VWA3B: variants seen among roughly 807,000 people sequenced by gnomAD.
VWA3B encodes the protein von Willebrand factor A domain-containing protein 3B.
In VWA3B, 138 loss-of-function variants were observed where a neutral mutation model predicts 158.3. The observed-to-expected ratio is 0.87, with a 90% CI of 0.76 to 1.00. The LOEUF is 1.00. VWA3B is among the 50% of genes least tolerant of loss of function. The pLI, the probability that VWA3B is intolerant of heterozygous loss-of-function variation, is 0.00. For synonymous variants in VWA3B, 596 were observed against 587.3 expected (o/e 1.01, Z -0.21); for missense variants, 1,555 against 1,565.1 (o/e 0.99, Z 0.11).
chr2:98,150,255 G>A (rs1677514594), intron 7 of VWA3B, among the ~76,000 whole-genome samples: 1 of 152,116 alleles, frequency 6.6e-6, no homozygotes, highest in Non-Finnish European at 1.5e-5. Context: ...TCCTTGGAGG[G>A]ATTTCTCCCG....
chr2:98,201,424 A>T (rs1011712649), intron 12 of VWA3B, among the ~76,000 whole-genome samples: 1 of 152,326 alleles, frequency 6.6e-6, no homozygotes, highest in East Asian at 1.9e-4. Context: ...GATGTCATGT[A>T]TGAATAGAGA....
intron 13 of VWA3B, chr2:98,216,985 C>A (rs2105593812): frequency 1.6e-6 from 2 of 1,245,394 alleles, no homozygotes; most frequent in Non-Finnish European, 2.1e-6. Context: ...TGTAAGCACC[C>A]GCCCCGCACC....
chr2:98,313,652 G>A (rs939712823), downstream of VWA3B, among the ~76,000 whole-genome samples: 3 of 152,192 alleles, frequency 2.0e-5, no homozygotes, highest in Non-Finnish European at 2.9e-5. Flanking sequence ...CAATTTGAGT[G>A]CTGACAGCCT....
At chr2:98,229,387 G>A (rs1385178695) in intron 15 of VWA3B, among the ~76,000 whole-genome samples, 2 of 152,222 alleles carry the variant, frequency 1.3e-5, no homozygotes, top group Admixed American at 1.3e-4. Flanking sequence ...AGGCGTCGAG[G>A]GGCAGTGGTG....
At chr2:98,225,202 G>A (rs1684826886) in intron 14 of VWA3B, among the ~76,000 whole-genome samples, 1 of 152,346 alleles carries the variant, frequency 6.6e-6, no homozygotes, top group Admixed American at 6.5e-5. Flanking sequence ...CCAATGTGCT[G>A]GGGTTACAGG....
intron 10 of VWA3B, 100 bp from the exon 11 acceptor site, chr2:98,192,798 C>A: frequency 2.6e-6 from 4 of 1,512,764 alleles, no homozygotes; most frequent in South Asian, 1.1e-5. Context: ...AACAACATAG[C>A]GCAGCTCTGT....
At chr2:98,321,848 G>A in the VWA3B span, among the ~76,000 whole-genome samples, 1 of 152,146 alleles carries the variant, frequency 6.6e-6, no homozygotes, top group African/African-American at 2.4e-5. Flanking sequence ...GAATGATATG[G>A]TTTGGCTGTG....
chr2:98,206,640 C>A, intron 12 of VWA3B: 1 of 370,218 alleles, frequency 2.7e-6, no homozygotes, highest in South Asian at 2.7e-5. Flanking sequence ...CAGTTTGCTC[C>A]CATTTATGTT....
Position 98,188,049 on chromosome 2 carries a change from G to A in VWA3B, c.1386G>A (p.Leu462=). The A allele has an allele frequency of 1.2e-6, 2 of 1,614,040 alleles. No individual in the cohort carries two copies. The highest frequency in any genetic ancestry group is 1.7e-6 in the Non-Finnish European group (2 of 1,179,994). Residue 462 remains leucine (L), a synonymous_variant, in exon 10 of 28, where the codon TTG becomes TTA. Coordinates refer to ENST00000477737, the MANE Select transcript of VWA3B (RefSeq NM_144992.5). The stretch of plus-strand genomic sequence containing the variant: ...ATGCTCCCTGGAAGGATGGGAGCTT[G>A]GTCCACGTCAACATTACCAAAGAGA... ...FVHAPWKDGS[L]VHVNITKEKC...
At chr2:98,297,615 G>A (rs1689886198) in intron 23 of VWA3B, among the ~76,000 whole-genome samples, 1 of 152,092 alleles carries the variant, frequency 6.6e-6, no homozygotes, top group Non-Finnish European at 1.5e-5. Context: ...TTATTTCCAG[G>A]ACCCATGTTC....
At chr2:98,252,744 A>T (rs542416122) in intron 20 of VWA3B, among the ~76,000 whole-genome samples, 1 of 152,248 alleles carries the variant, frequency 6.6e-6, no homozygotes, top group African/African-American at 2.4e-5. Context: ...TTTCCCAAGG[A>T]TTTCAGGAAA....
intron 7 of VWA3B, among the ~76,000 whole-genome samples, chr2:98,158,938 C>T (rs1678338804): frequency 6.6e-6 from 1 of 152,138 alleles, no homozygotes. Flanking sequence ...ATAGGACCCA[C>T]CCACTACAGA....
At chr2:98,200,645 A>G (rs1682460921) in intron 12 of VWA3B, among the ~76,000 whole-genome samples, 1 of 151,844 alleles carries the variant, frequency 6.6e-6, no homozygotes, top group Non-Finnish European at 1.5e-5. Context: ...ATGGCTTTTC[A>G]TTCCCTTAAT....
intron 7 of VWA3B, among the ~76,000 whole-genome samples, chr2:98,159,965 G>A (rs537991952): frequency 1.7e-4 from 25 of 150,982 alleles, no homozygotes; most frequent in South Asian, 2.1e-4. Context: ...AGCCTAGATC[G>A]TGCTACTGCA....
intron 8 of VWA3B, among the ~76,000 whole-genome samples, chr2:98,165,425 A>G (rs968920067): frequency 3.9e-5 from 6 of 152,152 alleles, no homozygotes; most frequent in Non-Finnish European, 8.8e-5. Flanking sequence ...ATCCTGATTT[A>G]ATCCCTATGG....
intron 21 of VWA3B, among the ~76,000 whole-genome samples, chr2:98,259,250 G>C (rs1687337028): frequency 6.6e-6 from 1 of 151,640 alleles, no homozygotes; most frequent in Non-Finnish European, 1.5e-5. Context: ...TCTGGCCTTG[G>C]TATCAGGGTA....
chr2:98,093,834 T>TTATGAGATAAGC (rs1682528513), intron 2 of VWA3B, among the ~76,000 whole-genome samples: 1 of 152,206 alleles, frequency 6.6e-6, no homozygotes, highest in Non-Finnish European at 1.5e-5. Flanking sequence ...AGCATCACTC[T>TTATGAGATAAGC]ACTCGCTACT....
In VWA3B at chr2:98,119,669, G is replaced by A. The variant is rs983373218; in HGVS notation, c.448G>A (p.Gly150Ser). ...QCVTIVLDFGGILEGELDLCR... is the reference protein window; with the variant it reads ...QCVTIVLDFGSILEGELDLCR... The stretch of plus-strand genomic sequence containing the variant: ...CGTCACCATAGTGCTGGATTTTGGC[G>A]GCATTCTGGAGGGGGAGCTTGATCT... Residue 150 changes from glycine (G) to serine (S), a missense_variant, in exon 4 of 28, where the codon GGC becomes AGC. By Grantham distance (56) the Gly-to-Ser change is moderately conservative. Coordinates refer to ENST00000477737, the MANE Select transcript of VWA3B (RefSeq NM_144992.5). 8 of 1,613,920 alleles carry A rather than the reference G, an allele frequency of 5.0e-6. No homozygotes were observed. The African/African-American group carries it at 6.7e-5, about 13-fold the overall frequency.
At chr2:98,232,019 A>G (rs957290265) in intron 16 of VWA3B, among the ~76,000 whole-genome samples, 2 of 152,152 alleles carry the variant, frequency 1.3e-5, no homozygotes, top group Non-Finnish European at 2.9e-5. Flanking sequence ...GTCCTCACCA[A>G]GTGGGTTGGA....
Sources: gnomAD v4.1 joint callset for allele counts (sites outside exome capture counted in the v4.1 genomes callset) on GRCh38, gnomAD v4.1.1 for gene constraint, MANE v1.5 for transcripts, NCBI Gene and HGNC (gene_info 2026-07-23, HGNC 2026-07-21) for gene names.